The following OSBPL9 variants were observed in gnomAD, a reference collection of about 807,000 sequenced individuals.
OSBPL9 encodes oxysterol-binding protein-related protein 9.
OSBPL9 carries 40 observed loss-of-function variants against 106.6 expected under a neutral mutation model. The observed-to-expected ratio is 0.38, with a 90% CI of 0.29 to 0.49. OSBPL9 has a LOEUF of 0.49. Ranked by LOEUF, OSBPL9 falls within the 20% of genes least tolerant of loss-of-function variation. The pLI is 0.97. For missense variants in OSBPL9, 609 were observed against 887.2 expected (o/e 0.69, Z 3.98); for synonymous variants, 269 against 295.4 (o/e 0.91, Z 0.92).
intron 4 of OSBPL9, among the ~76,000 whole-genome samples, chr1:51,727,230 A>G (rs1663289841): frequency 6.7e-6 from 1 of 149,862 alleles, no homozygotes. Context: ...ATTAACTGCT[A>G]TTAAAGGAAA....
intron 3 of OSBPL9, among the ~76,000 whole-genome samples, chr1:51,686,749 G>A (rs1376347015): frequency 2.0e-5 from 3 of 152,286 alleles, no homozygotes; most frequent in Middle Eastern, 3.4e-3. Context: ...GATGCTCCCC[G>A]TATGGATTTA....
intron 3 of OSBPL9, 28 bp from the exon 4 acceptor site, chr1:51,713,975 A>C: frequency 6.5e-7 from 1 of 1,546,838 alleles, no homozygotes; most frequent in East Asian, 2.3e-5. Context: ...TTAAACTTTT[A>C]ATTTTAATGT....
At chr1:51,636,239 T>C (rs1395813878) in intron 1 of OSBPL9, among the ~76,000 whole-genome samples, 2 of 149,448 alleles carry the variant, frequency 1.3e-5, no homozygotes, top group Admixed American at 6.7e-5. Flanking sequence ...TAGTTCACTG[T>C]AGCCTCAAAC....
intron 15 of OSBPL9, among the ~76,000 whole-genome samples, chr1:51,778,650 A>T (rs1170736364): frequency 1.3e-5 from 2 of 152,316 alleles, no homozygotes; most frequent in East Asian, 3.9e-4. Flanking sequence ...AAAATTGACT[A>T]AAAAGAGAAA....
In OSBPL9 at chr1:51,618,641, C is replaced by T. The variant is rs572390096; in HGVS notation, c.111+1420C>T. 1.5e-4 allele frequency among the ~76,000 whole-genome samples: 23 copies of T among 152,312 alleles called. 1 individual carries two copies. In the South Asian group the frequency reaches 4.8e-3, roughly 32 times the overall value. ...GCGTTTTCATGCCAGCAAGAATAGA[C>T]AGTAAAAAAGACATTCACTGTTCCT... On this transcript the variant is annotated intron_variant, in intron 1 of 23. Coordinates refer to ENST00000428468, the MANE Select transcript of OSBPL9 (RefSeq NM_024586.6).
upstream of OSBPL9, among the ~76,000 whole-genome samples, chr1:51,613,804 C>A (rs182198988): frequency 8.7e-4 from 132 of 151,254 alleles, 1 homozygote; most frequent in East Asian, 0.025. Flanking sequence ...TGCAGTGGCA[C>A]GATCTCTGCT....
chr1:51,689,444 G>A (rs1278698214), intron 3 of OSBPL9, among the ~76,000 whole-genome samples: 15 of 151,938 alleles, frequency 9.9e-5, no homozygotes, highest in South Asian at 4.1e-4. Context: ...CTTAGCCTTG[G>A]TAATCAATGG....
intron 1 of OSBPL9, among the ~76,000 whole-genome samples, chr1:51,622,705 T>A (rs1365837432): frequency 6.6e-6 from 1 of 152,168 alleles, no homozygotes; most frequent in Non-Finnish European, 1.5e-5. Context: ...TTAAGTGTCA[T>A]CATGACAGAG....
chr1:51,784,585 A>G lies in OSBPL9; in HGVS notation c.1829+3A>G, dbSNP rs1464923628. The G allele has an allele frequency of 1.2e-6, 2 of 1,613,810 alleles. No homozygotes were observed. Among genetic ancestry groups the G allele is most frequent in the Non-Finnish European group, 1.7e-6 (2 of 1,179,810 alleles). ...CACAGAATTACTGCCGAGATTTTGT[A>G]GGTATTTTTTCTGCCTTAGAGCTCT... is the stretch of plus-strand genomic sequence containing the variant. On this transcript the variant is annotated splice_donor_region_variant and intron_variant, in intron 20 of 23. Coordinates refer to ENST00000428468, the MANE Select transcript of OSBPL9 (RefSeq NM_024586.6).
intron 3 of OSBPL9, among the ~76,000 whole-genome samples, chr1:51,671,589 T>A (rs1323656703): frequency 6.6e-6 from 1 of 152,126 alleles, no homozygotes; most frequent in African/African-American, 2.4e-5. Flanking sequence ...CCTTGAGTCA[T>A]CCATTCCAGG....
At chr1:51,644,866 A>T (rs557933833) in intron 1 of OSBPL9, among the ~76,000 whole-genome samples, 1 of 152,288 alleles carries the variant, frequency 6.6e-6, no homozygotes, top group South Asian at 2.1e-4. Flanking sequence ...TACTTAAGTT[A>T]AAATAGAACC....
At chr1:51,684,727 T>C (rs2148811201) in intron 3 of OSBPL9, among the ~76,000 whole-genome samples, 1 of 151,950 alleles carries the variant, frequency 6.6e-6, no homozygotes, top group African/African-American at 2.4e-5. Flanking sequence ...AGAGACAGGG[T>C]TTTACCATGT....
At chr1:51,721,736 T>A (rs1662163935) in intron 4 of OSBPL9, among the ~76,000 whole-genome samples, 1 of 152,192 alleles carries the variant, frequency 6.6e-6, no homozygotes, top group Non-Finnish European at 1.5e-5. Flanking sequence ...TAGATTATAT[T>A]TTCATATCAT....
the OSBPL9 span, among the ~76,000 whole-genome samples, chr1:51,530,864 C>A: frequency 1.3e-5 from 2 of 150,458 alleles, no homozygotes; most frequent in African/African-American, 2.5e-5. Context: ...ATCCCAGCTA[C>A]TCGGGAGGCT....
At chr1:51,699,127 CA>C (rs745678485) in intron 3 of OSBPL9, among the ~76,000 whole-genome samples, 22 of 152,100 alleles carry the variant, frequency 1.4e-4, no homozygotes, top group Non-Finnish European at 2.8e-4. Flanking sequence ...TATCATAAAA[CA>C]GCACAAAAAT....
intron 3 of OSBPL9, among the ~76,000 whole-genome samples, chr1:51,684,331 TTAA>T (rs1341403210): frequency 1.3e-5 from 2 of 152,112 alleles, no homozygotes; most frequent in African/African-American, 4.8e-5. Context: ...GTGACAATAA[TTAA>T]TAACAATGTA....
chr1:51,657,584 G>T (rs944324970), intron 2 of OSBPL9, among the ~76,000 whole-genome samples: 7 of 152,188 alleles, frequency 4.6e-5, no homozygotes, highest in Non-Finnish European at 8.8e-5. Flanking sequence ...GATACTGTAA[G>T]TCATTATAAG....
intron 1 of OSBPL9, among the ~76,000 whole-genome samples, chr1:51,588,721 ATTGAAC>A (rs1207227282): frequency 8.5e-5 from 13 of 152,198 alleles, no homozygotes; most frequent in Non-Finnish European, 1.9e-4. Context: ...ATTCAGACTC[ATTGAAC>A]TTGGTTTCCT....
At chr1:51,725,902 A>G (rs1663031666) in intron 4 of OSBPL9, among the ~76,000 whole-genome samples, 2 of 152,142 alleles carry the variant, frequency 1.3e-5, no homozygotes, top group Non-Finnish European at 2.9e-5. Flanking sequence ...TCAAATACAG[A>G]TCAGGTTTCC....
Sources: allele counts gnomAD v4.1 joint callset (sites outside exome capture counted in the v4.1 genomes callset), GRCh38; gene constraint gnomAD v4.1.1; transcripts MANE v1.5; gene names NCBI Gene and HGNC (gene_info 2026-07-23, HGNC 2026-07-21).